Variants in TFPI observed in about 807,000 individuals in gnomAD.
The protein encoded by TFPI is tissue factor pathway inhibitor.
Under a neutral mutation model 34.6 loss-of-function variants are expected in TFPI, and 15 were observed. That is an observed-to-expected ratio of 0.43 (90% CI 0.29 to 0.67). The LOEUF (loss-of-function observed/expected upper bound fraction) is 0.67, where lower values mean the gene tolerates loss of function less well. TFPI is among the 30% of genes least tolerant of loss of function. The pLI is 0.15. For missense variants in TFPI, 301 were observed against 364.0 expected, an observed-to-expected ratio of 0.83 and a Z score of 1.41; for synonymous variants, 105 against 120.1, an observed-to-expected ratio of 0.87 and a Z score of 0.82.
At chr2:187,489,274 A>T (rs1471204156) in intron 3 of TFPI, among the ~76,000 whole-genome samples, 1 of 151,430 alleles carries the variant, frequency 6.6e-6, no homozygotes, top group African/African-American at 2.4e-5. Context: ...TTTTCTTGAA[A>T]TAGTTAATTC....
chr2:187,517,739 G>A (rs1014983390), intron 1 of TFPI: 1 of 152,044 alleles, frequency 6.6e-6, no homozygotes, highest in African/African-American at 2.4e-5. Flanking sequence ...TTGACAGTGG[G>A]GTGTTTAAGT....
At chr2:187,512,350 AG>A (rs1354807295) in intron 1 of TFPI, among the ~76,000 whole-genome samples, 1 of 151,706 alleles carries the variant, frequency 6.6e-6, no homozygotes, top group Non-Finnish European at 1.5e-5. Context: ...GTATTCTGTT[AG>A]AAAAAAAAGA....
rs956276726 is a variant in TFPI, at chr2:187,466,459, T to C, written c.*477A>G. The C allele has an allele frequency of 2.6e-5, 4 of 153,416 alleles. No homozygotes were observed. The highest frequency in any genetic ancestry group is 9.7e-5 in the African/African-American group (4 of 41,450). The allele number at this position is 153,416 out of a possible 1,614,324, so 9.5% of individuals were successfully genotyped here. A position where few individuals can be genotyped will look rare whatever the true frequency, so the allele number is the denominator to read the frequency against. On this transcript the variant is annotated 3_prime_UTR_variant, in exon 8 of 8. Coordinates refer to ENST00000233156, the MANE Select transcript of TFPI (RefSeq NM_006287.6). ...GAATTCTATTATTACAATAGAATAC[T>C]ATAAATACAAAATTGGATAAACTTT...
At chr2:187,553,784 A>G (rs554348482) in intron 1 of TFPI, among the ~76,000 whole-genome samples, 3 of 152,310 alleles carry the variant, frequency 2.0e-5, no homozygotes, top group African/African-American at 7.2e-5. Context: ...TTGAAAGATT[A>G]TTTGAATAGA....
At chr2:187,490,731 C>G (rs1685066086) in intron 3 of TFPI, among the ~76,000 whole-genome samples, 2 of 150,802 alleles carry the variant, frequency 1.3e-5, no homozygotes, top group Admixed American at 1.3e-4. Context: ...ATCTAATTAT[C>G]ATTAAAGTTG....
chr2:187,540,908 GAAA>G (rs1688550494), intron 1 of TFPI, among the ~76,000 whole-genome samples: 1 of 129,490 alleles, frequency 7.7e-6, no homozygotes, highest in Non-Finnish European at 1.7e-5. Flanking sequence ...AAAAAAAAAA[GAAA>G]AAAGAAAAAA....
intron 1 of TFPI, among the ~76,000 whole-genome samples, chr2:187,545,502 C>T (rs2106320055): frequency 6.6e-6 from 1 of 152,154 alleles, no homozygotes; most frequent in East Asian, 1.9e-4. Flanking sequence ...TTTTTTCACC[C>T]CAGAGTCTTA....
Position 187,466,746 on chromosome 2 carries a change from C to A in TFPI, c.*190G>T. 1 of 344,740 alleles carries A rather than the reference C, an allele frequency of 2.9e-6. No individual in the cohort carries two copies. The highest frequency in any genetic ancestry group is 5.4e-6 in the Non-Finnish European group (1 of 184,202). The allele number at this position is 344,740 out of a possible 1,614,324, so 21.4% of individuals were successfully genotyped here. A position where few individuals can be genotyped will look rare whatever the true frequency, so the allele number is the denominator to read the frequency against. ...CAGTAGCCAGTTAATAAATTACAGACCTAGAATAAGCAATTTAACAAGATT... is the reference window on the plus strand; with the variant it reads ...CAGTAGCCAGTTAATAAATTACAGAACTAGAATAAGCAATTTAACAAGATT... On this transcript the variant is annotated 3_prime_UTR_variant, in exon 8 of 8. Coordinates refer to ENST00000233156, the MANE Select transcript of TFPI (RefSeq NM_006287.6).
intron 2 of TFPI, among the ~76,000 whole-genome samples, chr2:187,501,520 A>G (rs1685850643): frequency 1.3e-5 from 2 of 152,056 alleles, no homozygotes; most frequent in South Asian, 2.1e-4. Flanking sequence ...GGAAGAACAA[A>G]CACATGTACC....
intron 1 of TFPI, among the ~76,000 whole-genome samples, chr2:187,550,042 A>G (rs1689037912): frequency 6.6e-6 from 1 of 152,048 alleles, no homozygotes; most frequent in Non-Finnish European, 1.5e-5. Context: ...GGGAGGAGGA[A>G]CTCTACAAGA....
chr2:187,501,142 C>T (rs1685823238), intron 2 of TFPI, among the ~76,000 whole-genome samples: 1 of 152,034 alleles, frequency 6.6e-6, no homozygotes, highest in Non-Finnish European at 1.5e-5. Flanking sequence ...CTGCCAGCGG[C>T]CATGAGAAAG....
intron 1 of TFPI, among the ~76,000 whole-genome samples, chr2:187,520,149 G>A (rs1239419444): frequency 6.6e-6 from 1 of 152,102 alleles, no homozygotes; most frequent in African/African-American, 2.4e-5. Context: ...CCTTTCCAGG[G>A]GAGTGAACAG....
intron 1 of TFPI, among the ~76,000 whole-genome samples, chr2:187,540,054 C>T (rs1174640993): frequency 6.6e-6 from 1 of 151,992 alleles, no homozygotes; most frequent in African/African-American, 2.4e-5. Flanking sequence ...ACCACCACGC[C>T]TGGCTAATTT....
At chr2:187,483,662 A>G (rs969662989) in intron 6 of TFPI, among the ~76,000 whole-genome samples, 1 of 152,016 alleles carries the variant, frequency 6.6e-6, no homozygotes, top group African/African-American at 2.4e-5. Flanking sequence ...CCAGAGTGAC[A>G]TAACATTTAG....
intron 1 of TFPI, among the ~76,000 whole-genome samples, chr2:187,537,688 C>G (rs1232067444): frequency 2.6e-5 from 4 of 152,208 alleles, no homozygotes; most frequent in African/African-American, 9.6e-5. Context: ...CCGAAGACTT[C>G]ATCACTAAAA....
At chr2:187,502,037 AGAATTTTTTC>A (rs1447606610) in intron 2 of TFPI, among the ~76,000 whole-genome samples, 1 of 152,168 alleles carries the variant, frequency 6.6e-6, no homozygotes, top group East Asian at 1.9e-4. Context: ...TCTCCTAAAT[AGAATTTTTTC>A]AGATGTGAGA....
chr2:187,473,763 A>C (rs1017829025), intron 6 of TFPI, among the ~76,000 whole-genome samples: 3 of 151,712 alleles, frequency 2.0e-5, no homozygotes, highest in South Asian at 4.1e-4. Context: ...TAAAGAAAAA[A>C]AAAACGGGGA....
chr2:187,517,956 A>G (rs1687121124), intron 1 of TFPI: 1 of 151,814 alleles, frequency 6.6e-6, no homozygotes, highest in Non-Finnish European at 1.5e-5. Flanking sequence ...GAGACTGGGA[A>G]TGCAACCCCT....
intron 1 of TFPI, among the ~76,000 whole-genome samples, chr2:187,524,867 A>G (rs1443039359): frequency 2.0e-5 from 3 of 152,100 alleles, no homozygotes; most frequent in African/African-American, 7.2e-5. Context: ...AAGAAAACAG[A>G]TAAGAATGAT....
Sources: allele counts gnomAD v4.1 joint callset (sites outside exome capture counted in the v4.1 genomes callset), GRCh38; gene constraint gnomAD v4.1.1; transcripts MANE v1.5; gene names NCBI Gene and HGNC (gene_info 2026-07-23, HGNC 2026-07-21).